ETV6: variants seen among roughly 807,000 people sequenced by gnomAD.
The protein encoded by ETV6 is ETS variant transcription factor 6.
Under a neutral mutation model 51.1 loss-of-function variants are expected in ETV6, and 16 were observed. The ratio of observed to expected loss-of-function variants is 0.31; its 90% CI spans 0.21 to 0.48. The LOEUF is 0.48. ETV6 is among the 20% of genes least tolerant of loss of function. ETV6 has a pLI of 0.99. For missense variants in ETV6, 458 were observed against 594.8 expected, an observed-to-expected ratio of 0.77 and a Z score of 2.39; for synonymous variants, 240 against 224.1, an observed-to-expected ratio of 1.07 and a Z score of -0.64.
chr12:11,854,115 G>A (rs1946597242), intron 4 of ETV6, among the ~76,000 whole-genome samples: 1 of 152,128 alleles, frequency 6.6e-6, no homozygotes, highest in Non-Finnish European at 1.5e-5. Flanking sequence ...GTTCCCATCT[G>A]GGGGTGATGG....
chr12:11,670,672 G>T (rs1210944206), intron 1 of ETV6, among the ~76,000 whole-genome samples: 3 of 152,182 alleles, frequency 2.0e-5, no homozygotes, highest in Non-Finnish European at 2.9e-5. Context: ...AGTATAACTG[G>T]GGAGAAGATT....
intron 2 of ETV6, among the ~76,000 whole-genome samples, chr12:11,806,433 G>A (rs1368727524): frequency 2.0e-5 from 3 of 152,238 alleles, no homozygotes; most frequent in African/African-American, 7.2e-5. Context: ...AATGCTGCAT[G>A]AAGGCTAACT....
chr12:11,746,461 A>G (rs1275787204), intron 1 of ETV6, among the ~76,000 whole-genome samples: 2 of 152,182 alleles, frequency 1.3e-5, no homozygotes, highest in Admixed American at 1.3e-4. Context: ...CCACATGCTC[A>G]CTTAATGCTA....
chr12:11,788,403 G>C (rs970845184), intron 2 of ETV6, among the ~76,000 whole-genome samples: 1 of 152,222 alleles, frequency 6.6e-6, no homozygotes, highest in African/African-American at 2.4e-5. Flanking sequence ...CTGTTAAAAA[G>C]TGGTCTAGGA....
intron 1 of ETV6, among the ~76,000 whole-genome samples, chr12:11,738,025 T>G (rs914162390): frequency 2.0e-5 from 3 of 152,172 alleles, no homozygotes; most frequent in Non-Finnish European, 1.5e-5. Context: ...CAAGTTGCAT[T>G]AAACTGTAAG....
At chr12:11,829,815 T>A (rs1308193017) in intron 2 of ETV6, among the ~76,000 whole-genome samples, 1 of 152,156 alleles carries the variant, frequency 6.6e-6, no homozygotes, top group Non-Finnish European at 1.5e-5. Context: ...CTTGGAAACT[T>A]AGTGCTGAGA....
chr12:11,679,537 C>G (rs1310465585), intron 1 of ETV6, among the ~76,000 whole-genome samples: 1 of 152,210 alleles, frequency 6.6e-6, no homozygotes, highest in Non-Finnish European at 1.5e-5. Context: ...ACAGAGTGAT[C>G]TTTTCTTTCC....
At chr12:11,761,796 A>G (rs1441315746) in intron 2 of ETV6, among the ~76,000 whole-genome samples, 1 of 152,216 alleles carries the variant, frequency 6.6e-6, no homozygotes, top group East Asian at 1.9e-4. Flanking sequence ...GCAAAGTGAA[A>G]TGGCCTGAGT....
At chr12:11,837,600 G>C (rs1946334744) in intron 2 of ETV6, among the ~76,000 whole-genome samples, 1 of 152,212 alleles carries the variant, frequency 6.6e-6, no homozygotes, top group Non-Finnish European at 1.5e-5. Flanking sequence ...TCTTTGGCAT[G>C]CCTGGTTTAG....
intron 1 of ETV6, among the ~76,000 whole-genome samples, chr12:11,655,728 A>T (rs552217420): frequency 6.6e-6 from 1 of 152,356 alleles, no homozygotes; most frequent in African/African-American, 2.4e-5. Context: ...GTAAAAATAC[A>T]GAGTTCAGCC....
At chr12:11,689,688 C>T (rs932500839) in intron 1 of ETV6, among the ~76,000 whole-genome samples, 2 of 151,860 alleles carry the variant, frequency 1.3e-5, no homozygotes, top group Non-Finnish European at 2.9e-5. Context: ...TTTGGGGAAG[C>T]GGGAGCTTTC....
intron 2 of ETV6, among the ~76,000 whole-genome samples, chr12:11,765,511 G>A (rs1178235042): frequency 6.6e-6 from 1 of 150,744 alleles, no homozygotes; most frequent in South Asian, 2.1e-4. Context: ...AAACTTAACT[G>A]TGAATCTGGC....
At chr12:11,764,678 C>T (rs1425902427) in intron 2 of ETV6, among the ~76,000 whole-genome samples, 1 of 152,130 alleles carries the variant, frequency 6.6e-6, no homozygotes, top group Non-Finnish European at 1.5e-5. Context: ...AATCTTGACC[C>T]TTGGGGAAGG....
At chr12:11,727,059 G>A (rs1187573453) in intron 1 of ETV6, among the ~76,000 whole-genome samples, 3 of 152,230 alleles carry the variant, frequency 2.0e-5, no homozygotes, top group African/African-American at 4.8e-5. Context: ...GAAAGGGCAC[G>A]CACAGTGGCT....
chr12:11,839,857 G>C (rs1422974957), intron 3 of ETV6, among the ~76,000 whole-genome samples: 2 of 152,182 alleles, frequency 1.3e-5, no homozygotes, highest in Non-Finnish European at 2.9e-5. Flanking sequence ...TCCAGCCCAG[G>C]TGACAGAGCG....
intron 5 of ETV6, among the ~76,000 whole-genome samples, chr12:11,874,569 T>C (rs1176714443): frequency 0.29 from 710 of 2,460 alleles, 48 homozygotes; most frequent in East Asian, 0.71. Flanking sequence ...TATGTGCGTG[T>C]GTACACATAT....
At chr12:11,817,802 G>C (rs1013025568) in intron 2 of ETV6, among the ~76,000 whole-genome samples, 1 of 152,136 alleles carries the variant, frequency 6.6e-6, no homozygotes, top group Non-Finnish European at 1.5e-5. Flanking sequence ...TCACTGCCTA[G>C]CGGGAAAAAA....
chr12:11,838,174 C>T (rs188345298), intron 2 of ETV6, among the ~76,000 whole-genome samples: 74 of 152,312 alleles, frequency 4.9e-4, no homozygotes, highest in Non-Finnish European at 6.3e-4. Context: ...CCTTCTAGAA[C>T]ATTCCACCTA....
chr12:11,786,833 C>G (rs1331556828), intron 2 of ETV6, among the ~76,000 whole-genome samples: 1 of 152,198 alleles, frequency 6.6e-6, no homozygotes, highest in Non-Finnish European at 1.5e-5. Context: ...TGGCTCATAT[C>G]AAGAGAGCAG....
Sources: allele counts gnomAD v4.1 joint callset (sites outside exome capture counted in the v4.1 genomes callset), GRCh38; gene constraint gnomAD v4.1.1; transcripts MANE v1.5; gene names NCBI Gene and HGNC (gene_info 2026-07-23, HGNC 2026-07-21).